LIMK1: variants seen among roughly 807,000 people sequenced by gnomAD.
LIMK1 encodes LIM domain kinase 1.
Under a neutral mutation model 77.6 loss-of-function variants are expected in LIMK1, and 21 were observed. The ratio of observed to expected loss-of-function variants is 0.27; its 90% CI spans 0.19 to 0.39. LIMK1 has a LOEUF of 0.39. LIMK1 is among the 10% of genes least tolerant of loss of function. The pLI, the probability that LIMK1 is intolerant of heterozygous loss-of-function variation, is 1.00. For missense variants in LIMK1, 696 were observed against 901.6 expected, an observed-to-expected ratio of 0.77 and a Z score of 2.92; for synonymous variants, 358 against 370.0, an observed-to-expected ratio of 0.97 and a Z score of 0.37.
At chr7:74,115,751 G>C in intron 12 of LIMK1, 51 bp from the exon 13 acceptor site, 1 of 1,590,114 alleles carries the variant, frequency 6.3e-7, no homozygotes, top group Non-Finnish European at 8.6e-7. Flanking sequence ...GGCAGGCCAA[G>C]CGGGCAGTAC....
intron 10 of LIMK1, chr7:74,111,407 C>T (rs1292018703): frequency 3.8e-6 from 2 of 521,986 alleles, no homozygotes; most frequent in Non-Finnish European, 6.9e-6. Flanking sequence ...CACTGCACTC[C>T]ACCCTGGGTG....
At position 74,107,920 on chromosome 7, in the gene LIMK1, G is replaced by A. The variant is rs782560083; in HGVS notation, c.1115G>A (p.Arg372Gln). 5.7e-6 allele frequency: 9 copies of A among 1,576,916 alleles called. No homozygotes were observed. Among genetic ancestry groups the A allele is most frequent in the South Asian group, 2.3e-5 (2 of 85,692 alleles). Residue 372 changes from arginine to glutamine, a missense_variant, in exon 9 of 16, where the codon CGG becomes CAG. By Grantham distance (43) the Arg-to-Gln change is conservative. Around this residue, in one of 3 missense-constraint regions of LIMK1, gnomAD observed 438 missense variants for 602.3 expected, o/e 0.73. Coordinates refer to ENST00000336180, the MANE Select transcript of LIMK1 (RefSeq NM_002314.4). ...GTGATGGTGATGAAGGAGCTGATCC[G>A]GTTCGACGAGGAGACCCAGAGGACG... The part of the protein sequence containing the change: ...GEVMVMKELI[R>Q]FDEETQRTFL...
At chr7:74,113,329 A>C (rs1349347578) in intron 12 of LIMK1, among the ~76,000 whole-genome samples, 4 of 151,898 alleles carry the variant, frequency 2.6e-5, no homozygotes, top group Admixed American at 6.6e-5. Flanking sequence ...GTCTCAAAAA[A>C]ACAAAACAAA....
Position 74,108,367 on chromosome 7 carries a change from G to A in LIMK1, c.1152+410G>A, listed in dbSNP as rs114886751. 6.2e-3 allele frequency among the ~76,000 whole-genome samples: 905 copies of A among 145,976 alleles called. 10 individuals carry two copies. Among genetic ancestry groups the A allele is most frequent in the African/African-American group, 0.022 (873 of 39,446 alleles). On this transcript the variant is annotated intron_variant, in intron 9 of 15. Transcript: ENST00000336180. ...AAAAATAAAAGTAACTGCATTGGTC[G>A]GGCATAGTGGCTCACGCCTGTAATC...
chr7:74,122,148 C>T lies in LIMK1; in HGVS notation c.*847C>T, dbSNP rs573967711. The T allele has an allele frequency of 2.1e-3, 322 of 152,864 alleles. 1 individual carries two copies. The highest frequency in any genetic ancestry group is 3.7e-3 in the Non-Finnish European group (253 of 68,134). 9.5% of individuals were successfully genotyped at this position (152,864 alleles called of 1,614,324 possible). ...AGTCATCTCAGAGCCCCTTCCCGGG[C>T]CTCTCCCCCAAGGCTCCCTGCCCCT... On this transcript the variant is annotated 3_prime_UTR_variant, in exon 16 of 16. Transcript: ENST00000336180.
intron 2 of LIMK1, among the ~76,000 whole-genome samples, chr7:74,091,722 G>A (rs1799240510): frequency 1.3e-5 from 2 of 152,110 alleles, no homozygotes; most frequent in African/African-American, 2.4e-5. Context: ...AACAAATGTA[G>A]TGTCAGGTAT....
chr7:74,088,860 G>A (rs1310491674), intron 2 of LIMK1, among the ~76,000 whole-genome samples: 1 of 151,884 alleles, frequency 6.6e-6, no homozygotes, highest in Non-Finnish European at 1.5e-5. Context: ...AGGGGCTGGG[G>A]TGACATGCTG....
rs782424586 is a variant in LIMK1 at position 74,121,154 on chromosome 7, G to A, written c.1797G>A (p.Lys599=). The change falls in exon 16 of 16, where the codon AAG becomes AAA. Residue 599 remains lysine (K), a synonymous_variant. Coordinates refer to ENST00000336180, the MANE Select transcript of LIMK1 (RefSeq NM_002314.4). ...LDPEKRPSFV[K]LEHWLETLRM... The stretch of plus-strand genomic sequence containing the variant: ...TGTCACCCAGGCCATCCTTTGTGAA[G>A]CTGGAACACTGGCTGGAGACCCTCC... 1 of 1,613,672 alleles carries A rather than the reference G, an allele frequency of 6.2e-7. No individual in the cohort carries two copies. The highest frequency in any genetic ancestry group is 8.5e-7 in the Non-Finnish European group (1 of 1,179,792).
At chr7:74,110,306 T>G (rs2115724998) in intron 10 of LIMK1, 1 of 152,238 alleles carries the variant, frequency 6.6e-6, no homozygotes, top group African/African-American at 2.4e-5. Context: ...CACTCCAGCC[T>G]GGGTGATAGA....
At chr7:74,112,158 AG>A (rs1477599545) in intron 12 of LIMK1, among the ~76,000 whole-genome samples, 160 bp downstream of exon 12, 1 of 152,148 alleles carries the variant, frequency 6.6e-6, no homozygotes, top group Admixed American at 6.6e-5. Context: ...GGAAGAGCGC[AG>A]GGTCAGGAGG....
At chr7:74,085,620 G>C (rs1359628667) in intron 1 of LIMK1, 128 bp from the exon 2 acceptor site, 1 of 757,584 alleles carries the variant, frequency 1.3e-6, no homozygotes, top group Admixed American at 2.0e-5. Context: ...CCCTGCCTGG[G>C]CGCTGCACAT....
intron 1 of LIMK1, among the ~76,000 whole-genome samples, chr7:74,085,204 C>A (rs1554693881): frequency 6.6e-6 from 1 of 152,150 alleles, no homozygotes; most frequent in Non-Finnish European, 1.5e-5. Flanking sequence ...AGGTCTGCAG[C>A]CCCCTCCCCT....
intron 8 of LIMK1, 106 bp from the exon 9 acceptor site, chr7:74,107,765 A>G: frequency 1.3e-6 from 1 of 784,022 alleles, no homozygotes; most frequent in Non-Finnish European, 2.2e-6. Context: ...TAGAGTATGA[A>G]GCCATCTGCA....
chr7:74,116,919 T>G (rs1372321824), intron 13 of LIMK1, among the ~76,000 whole-genome samples: 1 of 151,940 alleles, frequency 6.6e-6, no homozygotes, highest in Non-Finnish European at 1.5e-5. Context: ...TCTCGCTGTG[T>G]CTCCCAGGCT....
rs782319481 is a variant in LIMK1 at position 74,109,012 on chromosome 7, G to A, written c.1260G>A (p.Thr420=). 4.3e-6 allele frequency: 7 copies of A among 1,613,708 alleles called. No individual in the cohort carries two copies. Among genetic ancestry groups the A allele is most frequent in the African/African-American group, 4.0e-5 (3 of 74,918 alleles). Residue 420 remains threonine (T), a synonymous_variant, in exon 10 of 16, where the codon ACG becomes ACA. Transcript: ENST00000336180. ...TCACTGAGTACATCAAGGGCGGCAC[G>A]CTCCGGGGCATCATCAAGAGCATGG... The part of the protein sequence containing the change: ...NFITEYIKGG[T]LRGIIKSMDS...
chr7:74,106,958 G>A (rs118001734), intron 7 of LIMK1, 52 bp from the exon 8 acceptor site: 2 of 1,476,956 alleles, frequency 1.4e-6, no homozygotes, highest in East Asian at 2.5e-5. Flanking sequence ...CAGGGCCTTG[G>A]CCGGGTGCTA....
At chr7:74,117,567 A>G (rs1554699763) in intron 13 of LIMK1, among the ~76,000 whole-genome samples, 1 of 152,052 alleles carries the variant, frequency 6.6e-6, no homozygotes, top group African/African-American at 2.4e-5. Flanking sequence ...TAGGTTATAA[A>G]GTCCTTCTAC....
At chr7:74,119,654 T>C (rs1352488857) in intron 13 of LIMK1, among the ~76,000 whole-genome samples, 2 of 150,230 alleles carry the variant, frequency 1.3e-5, no homozygotes, top group African/African-American at 4.9e-5. Context: ...ACACCTGTAA[T>C]CCCAGCACTT....
chr7:74,090,062 C>T (rs1437610268), intron 2 of LIMK1, among the ~76,000 whole-genome samples: 6 of 152,138 alleles, frequency 3.9e-5, no homozygotes, highest in African/African-American at 1.4e-4. Context: ...CATGTTTGTG[C>T]TGTCCCTGGT....
Sources: allele counts gnomAD v4.1 joint callset (sites outside exome capture counted in the v4.1 genomes callset), GRCh38; gene constraint gnomAD v4.1.1; regional missense constraint gnomAD v4.1.1; transcripts MANE v1.5; gene names NCBI Gene and HGNC (gene_info 2026-07-23, HGNC 2026-07-21).